Variants in ACTR2 observed in about 807,000 individuals in gnomAD.
The protein encoded by ACTR2 is actin related protein 2.
In ACTR2, 5 loss-of-function variants were observed where a neutral mutation model predicts 50.2. The ratio of observed to expected loss-of-function variants is 0.10; its 90% confidence interval spans 0.05 to 0.21. The LOEUF is 0.21. Among genes scored for constraint, ACTR2 ranks in the 10% least tolerant of loss-of-function variants. The pLI is 1.00. For synonymous variants in ACTR2, 140 were observed against 162.9 expected (o/e 0.86, Z 1.07); for missense variants, 180 against 480.6 (o/e 0.37, Z 5.85).
At chr2:65,243,503 T>C (rs527403241) in intron 2 of ACTR2, among the ~76,000 whole-genome samples, 1 of 152,098 alleles carries the variant, frequency 6.6e-6, no homozygotes, top group South Asian at 2.1e-4. Flanking sequence ...CATAGTGATA[T>C]GTGCCTCCCA....
At chr2:65,240,421 G>C (rs932980350) in intron 2 of ACTR2, among the ~76,000 whole-genome samples, 1 of 152,074 alleles carries the variant, frequency 6.6e-6, no homozygotes, top group Admixed American at 6.6e-5. Context: ...AAAACACAGG[G>C]TGTAAATCTC....
intron 1 of ACTR2, 197 bp downstream of exon 1, chr2:65,228,154 C>T (rs1671563850): frequency 2.2e-6 from 1 of 451,464 alleles, no homozygotes; most frequent in East Asian, 3.8e-5. Flanking sequence ...ACCCATTTAG[C>T]CTGCCACCCC....
intron 1 of ACTR2, among the ~76,000 whole-genome samples, chr2:65,233,013 TAGAC>T (rs1211506226): frequency 6.6e-6 from 1 of 151,798 alleles, no homozygotes; most frequent in Non-Finnish European, 1.5e-5. Flanking sequence ...TTTTTTTTTT[TAGAC>T]AGAGTCTTGC....
intron 5 of ACTR2, 27 bp from the exon 6 acceptor site, chr2:65,255,518 G>C (rs370405536): frequency 9.4e-5 from 151 of 1,602,384 alleles, no homozygotes; most frequent in Non-Finnish European, 1.2e-4. Context: ...GATGTATTAT[G>C]AACTTATTGC....
Position 65,239,839 on chromosome 2 carries a change from T to C in ACTR2, c.49-13T>C, listed in dbSNP as rs368201015. 14 of 1,505,298 alleles carry C rather than the reference T, an allele frequency of 9.3e-6. No homozygotes were observed. Among genetic ancestry groups the C allele is most frequent in the African/African-American group, 1.4e-5 (1 of 72,680 alleles). 93.2% of individuals were successfully genotyped at this position (1,505,298 alleles called of 1,614,324 possible). A position where few individuals can be genotyped will look rare whatever the true frequency, so the allele number is the denominator to read the frequency against. Reference sequence around the variant, plus strand: ...TGATGCTAACCCACTTTTATTTTACTGTTTCATTCCAGTTTGTGAAGTGTG... The same window carrying C: ...TGATGCTAACCCACTTTTATTTTACCGTTTCATTCCAGTTTGTGAAGTGTG... On this transcript the variant is annotated splice_polypyrimidine_tract_variant and intron_variant, in intron 1 of 8. Transcript: ENST00000260641.
chr2:65,252,661 T>C (rs1053775636), intron 4 of ACTR2, among the ~76,000 whole-genome samples: 1 of 151,096 alleles, frequency 6.6e-6, no homozygotes, highest in Non-Finnish European at 1.5e-5. Flanking sequence ...AATATGTAAA[T>C]AAAAATAAAT....
intron 7 of ACTR2, among the ~76,000 whole-genome samples, chr2:65,264,342 A>G (rs574504715): frequency 4.6e-5 from 7 of 152,228 alleles, no homozygotes; most frequent in Non-Finnish European, 1.0e-4. Context: ...AGCTTTAGCC[A>G]TTGAGAACCT....
At chr2:65,256,593 C>T (rs572671967) in intron 6 of ACTR2, among the ~76,000 whole-genome samples, 111 of 152,166 alleles carry the variant, frequency 7.3e-4, no homozygotes, top group African/African-American at 2.5e-3. Context: ...TGTTGTTGGC[C>T]GGGCGCGGTG....
At chr2:65,246,769 G>A (rs1671945769) in intron 3 of ACTR2, 30 bp downstream of exon 3, 1 of 1,398,918 alleles carries the variant, frequency 7.1e-7, no homozygotes, top group Non-Finnish European at 9.8e-7. Context: ...ATGCATATGT[G>A]TATTTCTGTG....
At chr2:65,262,084 C>G (rs986199337) in intron 7 of ACTR2, among the ~76,000 whole-genome samples, 3 of 152,128 alleles carry the variant, frequency 2.0e-5, no homozygotes, top group African/African-American at 7.2e-5. Context: ...TGCTTTCTTG[C>G]TATTGAGTCA....
intron 2 of ACTR2, among the ~76,000 whole-genome samples, chr2:65,245,874 A>G (rs1281221506): frequency 6.6e-6 from 1 of 152,152 alleles, no homozygotes; most frequent in Non-Finnish European, 1.5e-5. Context: ...ATTTTAAAGG[A>G]TGGGTTATTT....
intron 8 of ACTR2, among the ~76,000 whole-genome samples, chr2:65,265,779 A>C (rs1435105600): frequency 6.6e-6 from 1 of 152,204 alleles, no homozygotes; most frequent in Non-Finnish European, 1.5e-5. Context: ...CAGACTCTGG[A>C]CTATGTGAAG....
intron 7 of ACTR2, among the ~76,000 whole-genome samples, chr2:65,262,244 T>C (rs915598163): frequency 6.6e-6 from 1 of 152,170 alleles, no homozygotes; most frequent in Non-Finnish European, 1.5e-5. Flanking sequence ...GTTGTTTGTT[T>C]TTTGAGACGG....
chr2:65,249,505 A>T (rs1178580179), intron 3 of ACTR2, among the ~76,000 whole-genome samples: 1 of 152,168 alleles, frequency 6.6e-6, no homozygotes, highest in African/African-American at 2.4e-5. Context: ...ATCCCTGTGG[A>T]GGTGGAATAA....
At chr2:65,248,463 G>A (rs538233828) in intron 3 of ACTR2, among the ~76,000 whole-genome samples, 1 of 152,256 alleles carries the variant, frequency 6.6e-6, no homozygotes, top group African/African-American at 2.4e-5. Flanking sequence ...ACAGGAAAAG[G>A]AGATGCTCAG....
chr2:65,255,052 G>A (rs2104009133), intron 5 of ACTR2, among the ~76,000 whole-genome samples: 1 of 152,048 alleles, frequency 6.6e-6, no homozygotes, highest in Admixed American at 6.6e-5. Flanking sequence ...ATACCTTTGA[G>A]TATCCCAATA....
At chr2:65,258,845 A>G (rs1308688945) in intron 6 of ACTR2, among the ~76,000 whole-genome samples, 1 of 152,160 alleles carries the variant, frequency 6.6e-6, no homozygotes, top group East Asian at 1.9e-4. Flanking sequence ...TCAAGTGCTT[A>G]AGGCAGGAGG....
At chr2:65,249,007 T>C (rs975695680) in intron 3 of ACTR2, among the ~76,000 whole-genome samples, 1 of 150,070 alleles carries the variant, frequency 6.7e-6, no homozygotes, top group African/African-American at 2.4e-5. Flanking sequence ...AGCGAGACTC[T>C]GTCTCAAAAA....
At chr2:65,256,187 T>C (rs1448097030) in intron 6 of ACTR2, among the ~76,000 whole-genome samples, 1 of 152,202 alleles carries the variant, frequency 6.6e-6, no homozygotes, top group Non-Finnish European at 1.5e-5. Flanking sequence ...CAGAATTTCA[T>C]GGGATTAGTG....
Sources: gnomAD v4.1 joint callset for allele counts (sites outside exome capture counted in the v4.1 genomes callset) on GRCh38, gnomAD v4.1.1 for gene constraint, MANE v1.5 for transcripts, NCBI Gene and HGNC (gene_info 2026-07-23, HGNC 2026-07-21) for gene names.